The following ADGRA2 variants were observed in gnomAD, a reference collection of about 807,000 sequenced individuals.
ADGRA2 encodes adhesion G protein-coupled receptor A2.
In ADGRA2, 61 loss-of-function variants were observed where a neutral mutation model predicts 98.7. The ratio of observed to expected loss-of-function variants is 0.62; its 90% CI spans 0.50 to 0.76. The LOEUF is 0.76. Ranked by LOEUF, ADGRA2 falls within the 30% of genes least tolerant of loss-of-function variation. The pLI is 0.00. For synonymous variants in ADGRA2, 858 were observed against 831.5 expected, an observed-to-expected ratio of 1.03 and a Z score of -0.55; for missense variants, 1,712 against 1,860.0, an observed-to-expected ratio of 0.92 and a Z score of 1.46.
intron 1 of ADGRA2, among the ~76,000 whole-genome samples, chr8:37,806,876 C>T (rs1804686872): frequency 6.6e-6 from 1 of 152,150 alleles, no homozygotes; most frequent in Non-Finnish European, 1.5e-5. Flanking sequence ...TGTCCCAAAG[C>T]CACAGATTCC....
chr8:37,837,981 C>G, intron 14 of ADGRA2, 42 bp downstream of exon 14: 2 of 1,353,834 alleles, frequency 1.5e-6, no homozygotes, highest in Non-Finnish European at 2.0e-6. Context: ...GGCAGGGACA[C>G]GGGCTGGGTG....
At chr8:37,826,710 A>G (rs372661596) in intron 2 of ADGRA2, among the ~76,000 whole-genome samples, 7 of 152,108 alleles carry the variant, frequency 4.6e-5, no homozygotes, top group African/African-American at 1.7e-4. Context: ...CCCCGTCCTG[A>G]ACACCCATTT....
intron 2 of ADGRA2, among the ~76,000 whole-genome samples, chr8:37,827,971 CA>C (rs1317773220): frequency 2.0e-5 from 3 of 146,788 alleles, no homozygotes; most frequent in East Asian, 2.0e-4. Context: ...CTGTCTCTAC[CA>C]AAAAAAATTT....
chr8:37,801,334 G>A (rs1410945439), intron 1 of ADGRA2, among the ~76,000 whole-genome samples: 1 of 152,190 alleles, frequency 6.6e-6, no homozygotes, highest in Admixed American at 6.5e-5. Flanking sequence ...GGGCAGCTGT[G>A]GGCACCCGTG....
chr8:37,807,327 T>C (rs886240764), intron 1 of ADGRA2, among the ~76,000 whole-genome samples: 1 of 152,216 alleles, frequency 6.6e-6, no homozygotes, highest in African/African-American at 2.4e-5. Context: ...CGCTTGAGGT[T>C]GTGTGTTGAA....
rs1281327698 is a variant in ADGRA2 at position 37,841,973 on chromosome 8, T to C, written c.3635T>C (p.Leu1212Pro). 1 of 1,502,308 alleles carries C rather than the reference T, an allele frequency of 6.7e-7. No individual in the cohort carries two copies. 93.1% of individuals were successfully genotyped at this position (1,502,308 alleles called of 1,614,324 possible). A position where few individuals can be genotyped will look rare whatever the true frequency, so the allele number is the denominator to read the frequency against. ...CTGCGCGGGGGCGCGGCGGGGGCGCTGGAGCTGCTGTCCAGCGAGAGCGGC... is the reference window on the plus strand; with the variant it reads ...CTGCGCGGGGGCGCGGCGGGGGCGCCGGAGCTGCTGTCCAGCGAGAGCGGC... Reference protein sequence around the residue: ...KALRGGAAGALELLSSESGSL... With the variant: ...KALRGGAAGAPELLSSESGSL... The change falls in exon 19 of 19, where the codon CTG (leucine) becomes CCG (proline). Residue 1212 changes from leucine to proline, a missense_variant. Coordinates refer to ENST00000412232, the MANE Select transcript of ADGRA2 (RefSeq NM_032777.10). This position sits in a 1 kb window ranked among gnomAD's most constrained non-coding sequence, Gnocchi z 5.0.
At chr8:37,811,474 CTT>C (rs34759771) in intron 1 of ADGRA2, among the ~76,000 whole-genome samples, 50 of 112,160 alleles carry the variant, frequency 4.5e-4, no homozygotes, top group African/African-American at 1.3e-3. Flanking sequence ...ACCCAGCCAA[CTT>C]TTTTTTTTTT....
chr8:37,844,799 T>A lies in ADGRA2; in HGVS notation c.*2444T>A. On this transcript the variant is annotated 3_prime_UTR_variant, in exon 19 of 19. Coordinates refer to ENST00000412232, the MANE Select transcript of ADGRA2 (RefSeq NM_032777.10). ...GCTCCTTCTCTCGGGTCTCCACTTC[T>A]GCTGTCCCATCCCGAAAGGCAGAGC... The A allele has an allele frequency of 6.2e-7, 1 of 1,614,172 alleles. No individual in the cohort carries two copies. The highest frequency in any genetic ancestry group is 8.5e-7 in the Non-Finnish European group (1 of 1,180,022).
At chr8:37,811,168 G>GTGTGTTT (rs1554523205) in intron 1 of ADGRA2, among the ~76,000 whole-genome samples, 91 of 101,746 alleles carry the variant, frequency 8.9e-4, no homozygotes, top group African/African-American at 3.3e-3. Context: ...GTGTGTGTGT[G>GTGTGTTT]TTTTTTTTTT....
At chr8:37,829,780 T>G in intron 5 of ADGRA2, 71 bp from the exon 6 acceptor site, 1 of 1,501,956 alleles carries the variant, frequency 6.7e-7, no homozygotes, top group Non-Finnish European at 9.1e-7. Flanking sequence ...CATCCCTCCC[T>G]GGGGCCCCAG....
chr8:37,830,966 A>T lies in ADGRA2; in HGVS notation c.932+43A>T, dbSNP rs373530951. The T allele has an allele frequency of 6.9e-6, 10 of 1,448,256 alleles. No individual in the cohort carries two copies. The African/African-American group carries it at 1.3e-4, about 18-fold the overall frequency. 89.7% of individuals were successfully genotyped at this position (1,448,256 alleles called of 1,614,324 possible). A position where few individuals can be genotyped will look rare whatever the true frequency, so the allele number is the denominator to read the frequency against. ...CCTCCTCAGGCCTCAGCATGGGGTT[A>T]GGGGACCTACCCTACCCGTCACCAC... On this transcript the variant is annotated intron_variant, in intron 7 of 18. Coordinates refer to ENST00000412232, the MANE Select transcript of ADGRA2 (RefSeq NM_032777.10). The surrounding 1 kb of genome is among the most constrained non-coding windows in gnomAD (Gnocchi z 4.8).
In ADGRA2 at chr8:37,829,528, G is replaced by T; in HGVS notation, c.523G>T (p.Val175Phe). The change falls in exon 5 of 19, where the codon GTC becomes TTC. Residue 175 changes from valine to phenylalanine, a missense_variant. Coordinates refer to ENST00000412232, the MANE Select transcript of ADGRA2 (RefSeq NM_032777.10). ...GNIFSSLQPG[V>F]FDELPALKVV... ...CATCTTCTCCAGTCTGCAACCTGGG[G>T]TCTTTGATGAGCTGCCAGCCCTTAA... 6.2e-7 allele frequency: 1 copy of T among 1,613,662 alleles called. No individual in the cohort carries two copies. Among genetic ancestry groups the T allele is most frequent in the East Asian group, 2.2e-5 (1 of 44,864 alleles).
At chr8:37,810,198 C>A (rs1286572224) in intron 1 of ADGRA2, among the ~76,000 whole-genome samples, 6 of 151,832 alleles carry the variant, frequency 4.0e-5, no homozygotes, top group African/African-American at 1.4e-4. Context: ...TACACACACA[C>A]ACATATATTT....
rs796830132 is a variant in ADGRA2, at chr8:37,830,025, C to G, written c.718+11C>G. 8.0e-6 allele frequency: 12 copies of G among 1,507,946 alleles called. No homozygotes were observed. In the African/African-American group the frequency reaches 1.5e-4, roughly 19 times the overall value. 93.4% of individuals were successfully genotyped at this position (1,507,946 alleles called of 1,614,324 possible). A position where few individuals can be genotyped will look rare whatever the true frequency, so the allele number is the denominator to read the frequency against. On this transcript the variant is annotated intron_variant, in intron 6 of 18. Coordinates refer to ENST00000412232, the MANE Select transcript of ADGRA2 (RefSeq NM_032777.10). This position sits in a 1 kb window ranked among gnomAD's most constrained non-coding sequence, Gnocchi z 4.8. Reference sequence around the variant, plus strand: ...CCCAGCTCTGCTGCGGTGAGCAAGTCCCCCCAGCTACACATCTCCCAGGGA... The same window carrying G: ...CCCAGCTCTGCTGCGGTGAGCAAGTGCCCCCAGCTACACATCTCCCAGGGA...
rs1174240944 is a variant in ADGRA2 at position 37,802,234 on chromosome 8, A to C, written c.266+4700A>C. ...TCGTTACAGCCACCAGGATCCAGTTAGGGGAATTTGGGCAAAGTGTGCCAA... is the reference window on the plus strand; with the variant it reads ...TCGTTACAGCCACCAGGATCCAGTTCGGGGAATTTGGGCAAAGTGTGCCAA... On this transcript the variant is annotated intron_variant, in intron 1 of 18. Transcript: ENST00000412232. This position sits in a 1 kb window ranked among gnomAD's most constrained non-coding sequence, Gnocchi z 4.7. Among the ~76,000 whole-genome samples the C allele has an allele frequency of 6.6e-6, 1 of 152,164 alleles. No individual in the cohort carries two copies. Among genetic ancestry groups the C allele is most frequent in the African/African-American group, 2.4e-5 (1 of 41,446 alleles).
rs1271545212 is a variant in ADGRA2, at chr8:37,841,741, A to G, written c.3403A>G (p.Lys1135Glu). The change falls in exon 19 of 19, where the codon AAG (lysine) becomes GAG (glutamate). Residue 1135 changes from lysine to glutamate, a missense_variant. Transcript: ENST00000412232. This position sits in a 1 kb window ranked among gnomAD's most constrained non-coding sequence, Gnocchi z 5.0. ...SGHPLALGPC[K>E]LTNLQLAQSQ... ...CCATCCGCTGGCTCTGGGCCCCTGC[A>G]AGCTCACCAACCTGCAGCTGGCCCA... 1 of 1,541,186 alleles carries G rather than the reference A, an allele frequency of 6.5e-7. No individual in the cohort carries two copies. The highest frequency in any genetic ancestry group is 1.4e-5 in the African/African-American group (1 of 72,254).
rs1484623188 is a variant in ADGRA2 at position 37,831,007 on chromosome 8, C to A, written c.932+84C>A. ...CCGTCACCACCCCGCAAAAGAGCTG[C>A]CCCCAGATGTGTTCCCGGGAGACTG... On this transcript the variant is annotated intron_variant, in intron 7 of 18. Coordinates refer to ENST00000412232, the MANE Select transcript of ADGRA2 (RefSeq NM_032777.10). The A allele has an allele frequency of 3.1e-6, 3 of 969,770 alleles. No individual in the cohort carries two copies. The East Asian group carries it at 7.9e-5, about 25-fold the overall frequency. The allele number at this position is 969,770 out of a possible 1,614,324, so 60.1% of individuals were successfully genotyped here. A position where few individuals can be genotyped will look rare whatever the true frequency, so the allele number is the denominator to read the frequency against.
rs1448970664 is a variant in ADGRA2 at position 37,831,597 on chromosome 8, A to G, written c.1097+10A>G. The G allele has an allele frequency of 6.2e-7, 1 of 1,612,620 alleles. No homozygotes were observed. On this transcript the variant is annotated intron_variant, in intron 8 of 18. Coordinates refer to ENST00000412232, the MANE Select transcript of ADGRA2 (RefSeq NM_032777.10). ...ACCGCGGGGACTTCAGGTTTGGCCC[A>G]CTCCACCCTGTAGAGGGCTGCCCAG...
intron 13 of ADGRA2, among the ~76,000 whole-genome samples, chr8:37,836,097 A>ACACCC (rs1245868623): frequency 1.3e-4 from 14 of 108,636 alleles, no homozygotes; most frequent in African/African-American, 4.8e-4. Context: ...ACACACACAC[A>ACACCC]CCCCACAGGC....
Sources: allele counts gnomAD v4.1 joint callset (sites outside exome capture counted in the v4.1 genomes callset), GRCh38; gene constraint gnomAD v4.1.1; non-coding constraint Gnocchi (gnomAD v3.1); transcripts MANE v1.5; gene names NCBI Gene and HGNC (gene_info 2026-07-23, HGNC 2026-07-21).